The following PKP4 variants were observed in gnomAD, a reference collection of about 807,000 sequenced individuals.
The protein encoded by PKP4 is plakophilin-4.
In PKP4, 90 loss-of-function variants were observed where a neutral mutation model predicts 145.1. The ratio of observed to expected loss-of-function variants is 0.62; its 90% CI spans 0.52 to 0.74. The LOEUF (loss-of-function observed/expected upper bound fraction) is 0.74. PKP4 is among the 30% of genes least tolerant of loss of function. The pLI is 0.00. For synonymous variants in PKP4, 563 were observed against 577.2 expected (o/e 0.98, Z 0.35); for missense variants, 1,340 against 1,482.7 (o/e 0.90, Z 1.58).
At chr2:158,632,797 A>G (rs2053487169) in intron 8 of PKP4, among the ~76,000 whole-genome samples, 2 of 152,312 alleles carry the variant, frequency 1.3e-5, no homozygotes, top group South Asian at 4.1e-4. Flanking sequence ...TGAGGGATTT[A>G]TCTTCTAATA....
intron 4 of PKP4, among the ~76,000 whole-genome samples, chr2:158,608,808 CTTT>C (rs66933766): frequency 1.5e-4 from 13 of 86,178 alleles, no homozygotes; most frequent in Non-Finnish European, 2.3e-4. Context: ...TCTTTTCTTT[CTTT>C]TTTTTTTTTT....
At chr2:158,648,436 A>G (rs1230925781) in intron 11 of PKP4, among the ~76,000 whole-genome samples, 2 of 152,250 alleles carry the variant, frequency 1.3e-5, no homozygotes, top group East Asian at 3.8e-4. Flanking sequence ...TTAGTCTTAT[A>G]TACTATAAAA....
intron 2 of PKP4, among the ~76,000 whole-genome samples, chr2:158,576,063 T>A (rs2047820448): frequency 6.6e-6 from 1 of 152,164 alleles, no homozygotes; most frequent in African/African-American, 2.4e-5. Flanking sequence ...CCACACCAGT[T>A]GGGATCATTA....
intron 1 of PKP4, among the ~76,000 whole-genome samples, chr2:158,482,699 G>A (rs1172752092): frequency 6.6e-6 from 1 of 152,078 alleles, no homozygotes; most frequent in Non-Finnish European, 1.5e-5. Context: ...AACTGGGTGT[G>A]GTGGCTTTTG....
At chr2:158,589,402 CCTT>C (rs1366204298) in intron 3 of PKP4, among the ~76,000 whole-genome samples, 2 of 152,138 alleles carry the variant, frequency 1.3e-5, no homozygotes, top group Non-Finnish European at 2.9e-5. Context: ...CCATTTACCT[CCTT>C]CTTGCCACTG....
rs2058403421 is a variant in PKP4 at position 158,681,161 on chromosome 2, C to T, written c.*484C>T. ...ATGGAAATGCCACATTGGTTAAGTGCCATCATTTGTAATGCAATGTGTCAC... is the reference window on the plus strand; with the variant it reads ...ATGGAAATGCCACATTGGTTAAGTGTCATCATTTGTAATGCAATGTGTCAC... On this transcript the variant is annotated 3_prime_UTR_variant, in exon 22 of 22. Transcript: ENST00000389759. 6.5e-6 allele frequency: 1 copy of T among 153,672 alleles called. No individual in the cohort carries two copies. The highest frequency in any genetic ancestry group is 1.5e-5 in the Non-Finnish European group (1 of 68,824). The allele number at this position is 153,672 out of a possible 1,614,324, so 9.5% of individuals were successfully genotyped here. A position where few individuals can be genotyped will look rare whatever the true frequency, so the allele number is the denominator to read the frequency against.
intron 11 of PKP4, among the ~76,000 whole-genome samples, chr2:158,656,720 A>G (rs1010333): frequency 0.7 from 105,925 of 152,084 alleles, 38,835 homozygotes; most frequent in East Asian, 0.92. Flanking sequence ...TCCACAGCAC[A>G]TGGACAGGCC....
intron 2 of PKP4, among the ~76,000 whole-genome samples, chr2:158,575,516 A>T (rs1026120627): frequency 6.6e-6 from 1 of 151,966 alleles, no homozygotes; most frequent in Non-Finnish European, 1.5e-5. Context: ...TATGAATGGA[A>T]TTTTTTTTCT....
chr2:158,678,837 G>A (rs969334369), intron 21 of PKP4, 183 bp downstream of exon 21: 37 of 620,714 alleles, frequency 6.0e-5, no homozygotes, highest in Middle Eastern at 8.8e-4. Flanking sequence ...GTAGCCTCAC[G>A]TTCTTGAGTA....
intron 3 of PKP4, among the ~76,000 whole-genome samples, chr2:158,583,130 C>T (rs1438518861): frequency 1.3e-5 from 2 of 152,216 alleles, no homozygotes; most frequent in East Asian, 1.9e-4. Flanking sequence ...ATGTCTCCCA[C>T]GGGCTAAGCA....
intron 1 of PKP4, among the ~76,000 whole-genome samples, chr2:158,508,601 T>C (rs533909917): frequency 2.6e-4 from 39 of 152,302 alleles, no homozygotes; most frequent in African/African-American, 7.9e-4. Flanking sequence ...AGATTGCCTT[T>C]TCACTTTCTT....
chr2:158,666,128 G>C (rs1376640183), intron 15 of PKP4: 2 of 221,200 alleles, frequency 9.0e-6, no homozygotes, highest in Admixed American at 1.2e-4. Context: ...TTATGTATCT[G>C]AGATAGAAAG....
chr2:158,563,107 A>G (rs1215989928), intron 2 of PKP4, among the ~76,000 whole-genome samples: 1 of 152,184 alleles, frequency 6.6e-6, no homozygotes, highest in East Asian at 1.9e-4. Context: ...ATATATATTT[A>G]AGATGTTATA....
At position 158,658,188 on chromosome 2, in the gene PKP4, C is replaced by G; in HGVS notation, c.1967C>G (p.Ala656Gly). ...DAVKMTIIRD[A>G]LSTLTNTVIV... ...GTAAAAATGACAATCATTCGAGATG[C>G]TCTCTCAACCTTAACAAACACTGTG... The change falls in exon 12 of 22, where the codon GCT (alanine) becomes GGT (glycine). Residue 656 changes from alanine to glycine, a missense_variant. By Grantham distance (60) the Ala-to-Gly change is moderately conservative. Transcript: ENST00000389759. 1 of 1,602,410 alleles carries G rather than the reference C, an allele frequency of 6.2e-7. No homozygotes were observed.
Position 158,673,716 on chromosome 2 carries a change from G to A in PKP4, c.2964G>A (p.Leu988=), listed in dbSNP as rs367908784. 2.0e-5 allele frequency: 33 copies of A among 1,613,236 alleles called. No individual in the cohort carries two copies. In the African/African-American group the frequency reaches 2.4e-4, roughly 12 times the overall value. ...LKVVKAAAQV[L]NTLWQYRDLR... Reference sequence around the variant, plus strand: ...TGGTGAAGGCAGCAGCCCAGGTCTTGAATACATTATGGCAATATCGGGACC... The same window carrying A: ...TGGTGAAGGCAGCAGCCCAGGTCTTAAATACATTATGGCAATATCGGGACC... The change falls in exon 18 of 22, where the codon TTG becomes TTA. Residue 988 remains leucine (L), a synonymous_variant. Transcript: ENST00000389759.
Position 158,669,905 on chromosome 2 carries a change from A to G in PKP4, c.2914A>G (p.Arg972Gly). The G allele has an allele frequency of 6.2e-7, 1 of 1,610,094 alleles. No individual in the cohort carries two copies. Among genetic ancestry groups the G allele is most frequent in the Non-Finnish European group, 8.5e-7 (1 of 1,177,456 alleles). The stretch of plus-strand genomic sequence containing the variant: ...GAAGCTGGTGAACATAACCAAAGGC[A>G]GGGGCGACAGGCAAGTCTGCGGCAA... ...IEKLVNITKG[R>G]GDRSSLKVVK... The change falls in exon 17 of 22, where the codon AGG (arginine) becomes GGG (glycine). Residue 972 changes from arginine (R) to glycine (G), a missense_variant. Transcript: ENST00000389759.
At chr2:158,594,027 G>A (rs1209094635) in intron 3 of PKP4, among the ~76,000 whole-genome samples, 1 of 152,164 alleles carries the variant, frequency 6.6e-6, no homozygotes, top group African/African-American at 2.4e-5. Context: ...AGTTTTTCAG[G>A]TAAAGTGTCA....
At chr2:158,556,099 A>G (rs1004611401) in intron 2 of PKP4, among the ~76,000 whole-genome samples, 3 of 152,260 alleles carry the variant, frequency 2.0e-5, no homozygotes, top group African/African-American at 7.2e-5. Flanking sequence ...TATTTATCAC[A>G]TTATTACACT....
chr2:158,639,244 A>C (rs1391317952), intron 9 of PKP4, among the ~76,000 whole-genome samples: 1 of 152,184 alleles, frequency 6.6e-6, no homozygotes, highest in Non-Finnish European at 1.5e-5. Flanking sequence ...AGACCCTGTA[A>C]ATAGAATCGT....
Sources: allele counts gnomAD v4.1 joint callset (sites outside exome capture counted in the v4.1 genomes callset), GRCh38; gene constraint gnomAD v4.1.1; transcripts MANE v1.5; gene names NCBI Gene and HGNC (gene_info 2026-07-23, HGNC 2026-07-21).